Variants in CARD10 observed in about 807,000 individuals in gnomAD.
The protein encoded by CARD10 is caspase recruitment domain-containing protein 10.
Under a neutral mutation model 114.6 loss-of-function variants are expected in CARD10, and 49 were observed. That is an observed-to-expected ratio of 0.43 (90% CI 0.34 to 0.54). The LOEUF is 0.54. Ranked by LOEUF, CARD10 falls within the 20% of genes least tolerant of loss-of-function variation. The pLI is 0.03. For synonymous variants in CARD10, 602 were observed against 593.2 expected (o/e 1.01, Z -0.21); for missense variants, 1,206 against 1,397.2 (o/e 0.86, Z 2.18).
At chr22:37,507,146 G>A (rs188446411) in intron 6 of CARD10, among the ~76,000 whole-genome samples, 4 of 152,266 alleles carry the variant, frequency 2.6e-5, no homozygotes, top group African/African-American at 9.6e-5. Flanking sequence ...AGGAATGGTG[G>A]CATGCCTGTA....
At position 37,491,087 on chromosome 22, in the gene CARD10, G is replaced by A; in HGVS notation, c.*72C>T. 8.0e-7 allele frequency: 1 copy of A among 1,250,204 alleles called. No individual in the cohort carries two copies. Among genetic ancestry groups the A allele is most frequent in the South Asian group, 1.3e-5 (1 of 75,934 alleles). 77.4% of individuals were successfully genotyped at this position (1,250,204 alleles called of 1,614,324 possible). On this transcript the variant is annotated 3_prime_UTR_variant, in exon 20 of 20. Transcript: ENST00000251973. Reference sequence around the variant, plus strand: ...AAGGGTCTAGGAAGGCTCAGGGTGGGAGGGCCCAGCTTCACCATAGACACC... The same window carrying A: ...AAGGGTCTAGGAAGGCTCAGGGTGGAAGGGCCCAGCTTCACCATAGACACC...
intron 9 of CARD10, among the ~76,000 whole-genome samples, chr22:37,503,772 G>A (rs1433237249): frequency 6.6e-6 from 1 of 152,226 alleles, no homozygotes; most frequent in Non-Finnish European, 1.5e-5. Context: ...CTTGCCACCA[G>A]AGGGTGCGCC....
Position 37,492,697 on chromosome 22 carries a change from C to G in CARD10, c.2582G>C (p.Arg861Pro). 1 of 1,613,106 alleles carries G rather than the reference C, an allele frequency of 6.2e-7. No individual in the cohort carries two copies. The highest frequency in any genetic ancestry group is 1.1e-5 in the South Asian group (1 of 91,078). ...GGAGCTGGGCAGGTCTAGCAGGTTA[C>G]GGATGAGCCGGGGCGCCAGGCACTC... The part of the protein sequence containing the change: ...LPECLAPRLI[R>P]NLLDLPSSRL... Residue 861 changes from arginine (R) to proline (P), a missense_variant, in exon 17 of 20, where the codon CGT (arginine) becomes CCT (proline). Arg to Pro is a moderately radical substitution (Grantham distance 103). Coordinates refer to ENST00000251973, the MANE Select transcript of CARD10 (RefSeq NM_014550.4). The surrounding 1 kb of genome is among the most constrained non-coding windows in gnomAD (Gnocchi z 5.7).
At chr22:37,517,252 G>C (rs755405797) in intron 2 of CARD10, among the ~76,000 whole-genome samples, 23 of 152,192 alleles carry the variant, frequency 1.5e-4, no homozygotes, top group Non-Finnish European at 2.2e-4. Context: ...ATGTAACAGA[G>C]GTGAAAGAAT....
Position 37,516,206 on chromosome 22 carries a change from G to C in CARD10, c.466C>G (p.Gln156Glu), listed in dbSNP as rs748599559. ...ARKSQLQREQ[Q>E]LQARGRVLEE... Reference sequence around the variant, plus strand: ...AGCACCCGGCCCCGGGCCTGCAGTTGCTGCTCCCGCTGCAGCTGGCTCTTG... The same window carrying C: ...AGCACCCGGCCCCGGGCCTGCAGTTCCTGCTCCCGCTGCAGCTGGCTCTTG... Residue 156 changes from glutamine (Q) to glutamate (E), a missense_variant, in exon 3 of 20, where the codon CAA (glutamine) becomes GAA (glutamate). Transcript: ENST00000251973. 1.2e-5 allele frequency: 19 copies of C among 1,597,090 alleles called. No individual in the cohort carries two copies. The Admixed American group carries it at 3.3e-4, about 27-fold the overall frequency.
intron 4 of CARD10, 37 bp from the exon 5 acceptor site, chr22:37,508,719 C>G: frequency 6.6e-7 from 1 of 1,521,144 alleles, no homozygotes. Context: ...CAGGGTCTGG[C>G]TAGGGGCCCA....
rs1015029473 is a variant in CARD10 at position 37,516,195 on chromosome 22, G to A, written c.477C>T (p.Ala159=). 4 of 1,594,794 alleles carry A rather than the reference G, an allele frequency of 2.5e-6. No homozygotes were observed. The highest frequency in any genetic ancestry group is 2.7e-5 in the African/African-American group (2 of 74,612). Residue 159 remains alanine (A), a synonymous_variant, in exon 3 of 20, where the codon GCC becomes GCT. Coordinates refer to ENST00000251973, the MANE Select transcript of CARD10 (RefSeq NM_014550.4). ...GCTCCTCCTCGAGCACCCGGCCCCG[G>A]GCCTGCAGTTGCTGCTCCCGCTGCA... ...SQLQREQQLQ[A]RGRVLEEERA... is the part of the protein sequence containing the mutation.
rs559936787 is a variant in CARD10, at chr22:37,517,003, A to G, written c.374-705T>C. ...CCCCAGGATTCAAATGGGCCCTTACACATTCCTGGTAGGAGGTATGTTGAT... is the reference window on the plus strand; with the variant it reads ...CCCCAGGATTCAAATGGGCCCTTACGCATTCCTGGTAGGAGGTATGTTGAT... On this transcript the variant is annotated intron_variant, in intron 2 of 19. Transcript: ENST00000251973. Among the ~76,000 whole-genome samples, 9 of 152,336 alleles carry G rather than the reference A, an allele frequency of 5.9e-5. No individual in the cohort carries two copies. The East Asian group carries it at 1.7e-3, about 29-fold the overall frequency.
chr22:37,511,698 T>A (rs1481284532), intron 3 of CARD10, among the ~76,000 whole-genome samples: 1 of 151,724 alleles, frequency 6.6e-6, no homozygotes, highest in Non-Finnish European at 1.5e-5. Flanking sequence ...GAGGGACTCA[T>A]CCAGTCCGGG....
At chr22:37,491,588 AGAG>A (rs372689223) in intron 19 of CARD10, among the ~76,000 whole-genome samples, 164 bp downstream of exon 19, 1 of 892 alleles carries the variant, frequency 1.1e-3, no homozygotes. Flanking sequence ...GGGGAGGGAG[AGAG>A]AGGGGGAGAA....
intron 5 of CARD10, among the ~76,000 whole-genome samples, chr22:37,508,227 C>T (rs1039675495): frequency 1.8e-4 from 28 of 152,248 alleles, no homozygotes; most frequent in Non-Finnish European, 3.8e-4. Flanking sequence ...CCTTCCCCAG[C>T]TCTGCATCTC....
At chr22:37,507,383 G>C (rs1023705734) in intron 6 of CARD10, among the ~76,000 whole-genome samples, 18 of 152,330 alleles carry the variant, frequency 1.2e-4, no homozygotes, top group African/African-American at 4.3e-4. Context: ...CCTCACACAA[G>C]GAGGCTCGGG....
rs139374054 is a variant in CARD10 at position 37,495,865 on chromosome 22, C to T, written c.2198G>A (p.Arg733Gln). Residue 733 changes from arginine (R) to glutamine (Q), a missense_variant, in exon 14 of 20, where the codon CGA becomes CAA. Arg to Gln is a conservative substitution (Grantham distance 43, BLOSUM62 1). Around this residue, in one of 2 missense-constraint regions of CARD10, gnomAD observed 1,068 missense variants for 1,179.1 expected, o/e 0.91. Transcript: ENST00000251973. ...ALCVKAQEILRLVDSAYKRRQ... is the reference protein window; with the variant it reads ...ALCVKAQEILQLVDSAYKRRQ... ...CCGCTTGTATGCCGAGTCCACCAGT[C>T]GAAGGATCTCTTGGGCTTTCACGCA... The T allele has an allele frequency of 1.9e-6, 3 of 1,614,002 alleles. No individual in the cohort carries two copies. The highest frequency in any genetic ancestry group is 1.3e-5 in the African/African-American group (1 of 74,956).
Position 37,507,960 on chromosome 22 carries a change from G to T in CARD10, c.1066-6C>A. ...TCTTCCATCTCCTGCAGGTACTGAG[G>T]GTGGCACGGGGCGGGGTCAGACCAC... On this transcript the variant is annotated splice_region_variant and splice_polypyrimidine_tract_variant and intron_variant, in intron 5 of 19. Coordinates refer to ENST00000251973, the MANE Select transcript of CARD10 (RefSeq NM_014550.4). The T allele has an allele frequency of 6.2e-7, 1 of 1,613,972 alleles. No individual in the cohort carries two copies. Among genetic ancestry groups the T allele is most frequent in the Non-Finnish European group, 8.5e-7 (1 of 1,179,986 alleles).
rs1366626863 is a variant in CARD10, at chr22:37,504,278, C to G, written c.1542G>C (p.Lys514Asn). 6.4e-7 allele frequency: 1 copy of G among 1,564,096 alleles called. No individual in the cohort carries two copies. ...GCAGGATGGAGAGCCGATTGATCTC[C>G]TTTTCACTGTCTGTGGCTTCCTCCT... ...HNSEEATDSE[K>N]EINRLSILPF... The change falls in exon 9 of 20, where the codon AAG becomes AAC. Residue 514 changes from lysine (K) to asparagine (N), a missense_variant. Transcript: ENST00000251973.
intron 3 of CARD10, among the ~76,000 whole-genome samples, chr22:37,515,361 G>A (rs930598348): frequency 6.6e-6 from 1 of 151,984 alleles, no homozygotes; most frequent in East Asian, 1.9e-4. Flanking sequence ...TCAGGAGTTC[G>A]AGACCAGCCG....
At position 37,490,908 on chromosome 22, in the gene CARD10, T is replaced by C; in HGVS notation, c.*251A>G. 1.8e-6 allele frequency: 1 copy of C among 552,652 alleles called. No homozygotes were observed. The highest frequency in any genetic ancestry group is 3.0e-5 in the East Asian group (1 of 33,160). 34.2% of individuals were successfully genotyped at this position (552,652 alleles called of 1,614,324 possible). ...CACAGACACACATAAGACCCACTAG[T>C]GGGAATGTGGAGACCCCAGGAAAGG... On this transcript the variant is annotated 3_prime_UTR_variant, in exon 20 of 20. Coordinates refer to ENST00000251973, the MANE Select transcript of CARD10 (RefSeq NM_014550.4).
chr22:37,512,070 G>C (rs1172570934), intron 3 of CARD10: 1 of 152,262 alleles, frequency 6.6e-6, no homozygotes, highest in Non-Finnish European at 1.5e-5. Context: ...AGCTGCCACA[G>C]TGTGACCGTG....
intron 9 of CARD10, 122 bp from the exon 10 acceptor site, chr22:37,503,335 G>T: frequency 1.0e-6 from 1 of 995,706 alleles, no homozygotes; most frequent in South Asian, 1.8e-5. Flanking sequence ...ATGCAGGCTA[G>T]ACTCAAGGCA....
Sources: allele counts gnomAD v4.1 joint callset (sites outside exome capture counted in the v4.1 genomes callset), GRCh38; gene constraint gnomAD v4.1.1; regional missense constraint gnomAD v4.1.1; non-coding constraint Gnocchi (gnomAD v3.1); transcripts MANE v1.5; gene names NCBI Gene and HGNC (gene_info 2026-07-23, HGNC 2026-07-21).